HMGCLL1: variants seen among roughly 807,000 people sequenced by gnomAD.
The protein encoded by HMGCLL1 is 3-hydroxymethyl-3-methylglutaryl-CoA lyase, cytoplasmic.
Under a neutral mutation model 39.1 loss-of-function variants are expected in HMGCLL1, and 36 were observed. That is an observed-to-expected ratio of 0.92 (90% CI 0.71 to 1.22). The LOEUF (loss-of-function observed/expected upper bound fraction) is 1.22, where lower values mean the gene tolerates loss of function less well. HMGCLL1 is among the 50% of genes most tolerant of loss of function. The pLI, the probability that HMGCLL1 is intolerant of heterozygous loss-of-function variation, is 0.00. For synonymous variants in HMGCLL1, 149 were observed against 144.0 expected, an observed-to-expected ratio of 1.03 and a Z score of -0.25; for missense variants, 451 against 416.5, an observed-to-expected ratio of 1.08 and a Z score of -0.72.
At chr6:55,658,282 G>A in the HMGCLL1 span, among the ~76,000 whole-genome samples, 1 of 151,832 alleles carries the variant, frequency 6.6e-6, no homozygotes, top group Non-Finnish European at 1.5e-5. Flanking sequence ...AGAACCCCAG[G>A]CAAATTCTGT....
chr6:55,639,607 C>T, the HMGCLL1 span, among the ~76,000 whole-genome samples: 129 of 152,046 alleles, frequency 8.5e-4, no homozygotes, highest in Middle Eastern at 3.4e-3. Flanking sequence ...AGTTGCTGCT[C>T]TCCACACATA....
At chr6:55,441,932 C>T (rs868740144) in intron 7 of HMGCLL1, among the ~76,000 whole-genome samples, 2 of 152,000 alleles carry the variant, frequency 1.3e-5, no homozygotes, top group African/African-American at 4.8e-5. Context: ...CTCAAGTGAT[C>T]CCCCCTCCTC....
At chr6:55,530,787 C>A (rs1581905648) in intron 3 of HMGCLL1, among the ~76,000 whole-genome samples, 1 of 152,056 alleles carries the variant, frequency 6.6e-6, no homozygotes, top group Non-Finnish European at 1.5e-5. Flanking sequence ...AACTTTCCAG[C>A]AATTTAATCA....
chr6:55,445,279 C>G (rs1397044314), intron 7 of HMGCLL1, among the ~76,000 whole-genome samples: 4 of 151,762 alleles, frequency 2.6e-5, no homozygotes, highest in African/African-American at 9.7e-5. Context: ...GCTCGTTTTT[C>G]TAAACGAGCT....
chr6:55,521,216 C>T (rs956954895), intron 3 of HMGCLL1, among the ~76,000 whole-genome samples: 1 of 152,104 alleles, frequency 6.6e-6, no homozygotes, highest in Non-Finnish European at 1.5e-5. Context: ...TTGTTAGTGT[C>T]ATCAGCTCAC....
chr6:55,626,516 G>T, the HMGCLL1 span, among the ~76,000 whole-genome samples: 1 of 152,160 alleles, frequency 6.6e-6, no homozygotes. Context: ...AAGTTCTCCA[G>T]AAGGCCATGT....
At chr6:55,636,138 C>G in the HMGCLL1 span, among the ~76,000 whole-genome samples, 2 of 152,042 alleles carry the variant, frequency 1.3e-5, no homozygotes, top group Non-Finnish European at 2.9e-5. Context: ...GGACATCACA[C>G]AGAACCCAGT....
chr6:55,570,544 T>C (rs1313005722), intron 1 of HMGCLL1, among the ~76,000 whole-genome samples: 2 of 152,224 alleles, frequency 1.3e-5, no homozygotes, highest in African/African-American at 4.8e-5. Flanking sequence ...TGTTTGATGA[T>C]TGGTATCCTT....
the HMGCLL1 span, among the ~76,000 whole-genome samples, chr6:55,609,643 C>T: frequency 1.3e-5 from 2 of 152,124 alleles, no homozygotes; most frequent in Admixed American, 6.5e-5. Context: ...GGGTTTCCCC[C>T]CAGGGCAGCA....
chr6:55,612,695 T>A, the HMGCLL1 span, among the ~76,000 whole-genome samples: 1 of 152,236 alleles, frequency 6.6e-6, no homozygotes, highest in South Asian at 2.1e-4. Context: ...AAACAAGCAA[T>A]GGGGAAAGGA....
chr6:55,622,329 G>A, the HMGCLL1 span, among the ~76,000 whole-genome samples: 1 of 152,150 alleles, frequency 6.6e-6, no homozygotes, highest in Non-Finnish European at 1.5e-5. Context: ...GTGAAAGTTG[G>A]CATCCTCGCT....
the HMGCLL1 span, among the ~76,000 whole-genome samples, chr6:55,632,664 G>T: frequency 3.9e-5 from 6 of 151,946 alleles, no homozygotes; most frequent in African/African-American, 7.2e-5. Flanking sequence ...TATCAATTGA[G>T]AGAAAAGTGA....
chr6:55,598,479 A>T, the HMGCLL1 span, among the ~76,000 whole-genome samples: 1 of 152,164 alleles, frequency 6.6e-6, no homozygotes, highest in East Asian at 1.9e-4. Flanking sequence ...AAACTCAACC[A>T]GTCAATAGCA....
intron 7 of HMGCLL1, among the ~76,000 whole-genome samples, chr6:55,446,360 C>T (rs992672985): frequency 6.7e-6 from 1 of 149,704 alleles, no homozygotes; most frequent in Non-Finnish European, 1.5e-5. Context: ...ATAATTATAA[C>T]TCTAAGGACT....
the HMGCLL1 span, among the ~76,000 whole-genome samples, chr6:55,609,814 G>A: frequency 3.3e-5 from 5 of 152,130 alleles, no homozygotes; most frequent in South Asian, 2.1e-4. Flanking sequence ...AGAGATCCCA[G>A]GGGAAGGAGG....
upstream of HMGCLL1, among the ~76,000 whole-genome samples, chr6:55,583,165 C>T (rs1298258966): frequency 6.6e-6 from 1 of 152,028 alleles, no homozygotes; most frequent in African/African-American, 2.4e-5. Flanking sequence ...CTTATGTAAA[C>T]TTATCTTTGA....
At chr6:55,512,314 T>C (rs1277918215) in intron 5 of HMGCLL1, 1 of 152,086 alleles carries the variant, frequency 6.6e-6, no homozygotes, top group African/African-American at 2.4e-5. Flanking sequence ...TTTAAACACA[T>C]ATTGAAGTAG....
At position 55,446,203 on chromosome 6, in the gene HMGCLL1, G is replaced by A. The variant is rs184439146; in HGVS notation, c.796-6644C>T. Among the ~76,000 whole-genome samples, 300 of 149,662 alleles carry A rather than the reference G, an allele frequency of 2.0e-3. 6 individuals are homozygous for A. The highest frequency in any genetic ancestry group is 7.1e-3 in the African/African-American group (289 of 40,864). ...AGAAGCAACTGTTATTAGTGCTCAGGGAACCAATGTTTTCTAAATTATATA... is the reference window on the plus strand; with the variant it reads ...AGAAGCAACTGTTATTAGTGCTCAGAGAACCAATGTTTTCTAAATTATATA... On this transcript the variant is annotated intron_variant, in intron 7 of 8. Coordinates refer to ENST00000274901, the MANE Select transcript of HMGCLL1 (RefSeq NM_001042406.2).
the HMGCLL1 span, among the ~76,000 whole-genome samples, chr6:55,675,854 T>C: frequency 6.6e-6 from 1 of 152,178 alleles, no homozygotes; most frequent in Non-Finnish European, 1.5e-5. Context: ...GTTCTTTGTG[T>C]TTGTGTGTGT....
Sources: allele counts gnomAD v4.1 joint callset (sites outside exome capture counted in the v4.1 genomes callset), GRCh38; gene constraint gnomAD v4.1.1; transcripts MANE v1.5; gene names NCBI Gene and HGNC (gene_info 2026-07-23, HGNC 2026-07-21).